CLEC12A: variants seen among roughly 807,000 people sequenced by gnomAD.
The protein encoded by CLEC12A is C-type lectin domain family 12 member A, also known as C-type lectin protein CLL-1.
In CLEC12A, 22 loss-of-function variants were observed where a neutral mutation model predicts 26.5. The ratio of observed to expected loss-of-function variants is 0.83; its 90% CI spans 0.59 to 1.19. The LOEUF (loss-of-function observed/expected upper bound fraction) is 1.19, where lower values mean the gene tolerates loss of function less well. Among genes scored for constraint, CLEC12A ranks in the 50% most tolerant of loss-of-function variants. The probability of loss-of-function intolerance (pLI) is 0.00; values close to 1 mark genes in which losing one functional copy is unlikely to be tolerated. For missense variants in CLEC12A, 353 were observed against 315.6 expected, an observed-to-expected ratio of 1.12 and a Z score of -0.90; for synonymous variants, 119 against 101.9, an observed-to-expected ratio of 1.17 and a Z score of -1.01.
intron 5 of CLEC12A, chr12:9,984,048 A>C: frequency 3.4e-6 from 1 of 293,932 alleles, no homozygotes; most frequent in Non-Finnish European, 6.7e-6. Flanking sequence ...CATTGTAGAT[A>C]TTTTCAGTTA....
chr12:9,987,470 T>C (rs1864793181), downstream of CLEC12A, among the ~76,000 whole-genome samples: 1 of 152,206 alleles, frequency 6.6e-6, no homozygotes, highest in Non-Finnish European at 1.5e-5. Flanking sequence ...ACAAATGAAA[T>C]GGAGGATTTG....
intron 1 of CLEC12A, among the ~76,000 whole-genome samples, chr12:9,955,239 A>G (rs1004155999): frequency 7.3e-5 from 11 of 151,564 alleles, no homozygotes; most frequent in Admixed American, 4.6e-4. Context: ...GGCGCCCGCC[A>G]CCACGCCCGG....
At chr12:9,973,037 C>T (rs935442255) in intron 1 of CLEC12A, among the ~76,000 whole-genome samples, 2 of 152,174 alleles carry the variant, frequency 1.3e-5, no homozygotes, top group African/African-American at 4.8e-5. Flanking sequence ...TCTTCATGTT[C>T]TTAATCTCAT....
chr12:9,984,743 A>G, intron 5 of CLEC12A, 127 bp from the exon 6 acceptor site: 2 of 837,784 alleles, frequency 2.4e-6, no homozygotes, highest in South Asian at 4.1e-5. Context: ...TGAACATTAA[A>G]TTAGATTTAG....
rs35173002 is a variant in CLEC12A at position 9,954,205 on chromosome 12, TAAAAAA to T, written c.10+2872_10+2877del. 9.3e-3 allele frequency among the ~76,000 whole-genome samples: 600 copies of T among 64,444 alleles called. 4 individuals are homozygous for T. Among genetic ancestry groups the T allele is most frequent in the African/African-American group, 0.032 (567 of 17,880 alleles). 42.3% of individuals were successfully genotyped at this position (64,444 alleles called of 152,430 possible). On this transcript the variant is annotated intron_variant, in intron 1 of 6. Coordinates refer to the CLEC12A transcript ENST00000355690. The stretch of plus-strand genomic sequence containing the variant: ...GTGAGAAACACCCAAGAATTATCAA[TAAAAAA>T]AAAAAAAAAAAAAAAAAAAAAATCA...
At chr12:9,977,894 T>A (rs1378544628) in intron 1 of CLEC12A, among the ~76,000 whole-genome samples, 2 of 152,116 alleles carry the variant, frequency 1.3e-5, no homozygotes, top group African/African-American at 4.8e-5. Flanking sequence ...AATAAGTTCA[T>A]TGAATAAATA....
At position 9,980,599 on chromosome 12, in the gene CLEC12A, T is replaced by C. The variant is rs35776889; in HGVS notation, c.397T>C (p.Cys133Arg). ...SKEQEHKCKP[C>R]PRRWIWHKDS... ...TCTTCCAGAGCACAAATGTAAGCCTTGTCCAAGGAGATGGATTTGGCATAA... is the reference window on the plus strand; with the variant it reads ...TCTTCCAGAGCACAAATGTAAGCCTCGTCCAAGGAGATGGATTTGGCATAA... Residue 133 changes from cysteine to arginine, a missense_variant, in exon 4 of 6, where the codon TGT becomes CGT. Cys to Arg is a radical substitution (Grantham distance 180). Transcript: ENST00000304361. 449 of 1,613,726 alleles carry C rather than the reference T, an allele frequency of 2.8e-4. 1 individual carries two copies. The African/African-American group carries it at 5.1e-3, about 18-fold the overall frequency.
intron 4 of CLEC12A, among the ~76,000 whole-genome samples, chr12:9,993,685 A>T (rs914944363): frequency 1.1e-4 from 16 of 152,124 alleles, no homozygotes; most frequent in African/African-American, 3.9e-4. Context: ...AAGTAGCTGC[A>T]CTAGATGGGA....
At chr12:9,954,888 G>C (rs1261667257) in intron 1 of CLEC12A, among the ~76,000 whole-genome samples, 2 of 152,010 alleles carry the variant, frequency 1.3e-5, no homozygotes, top group Non-Finnish European at 2.9e-5. Context: ...TACTTTTTTT[G>C]TTTGGGTTTT....
chr12:9,995,258 A>G (rs2137237081), exon 5 of CLEC12A: 2 of 1,597,902 alleles, frequency 1.3e-6, no homozygotes, highest in Non-Finnish European at 8.6e-7. Context: ...TATTGTAAAC[A>G]TAAATAAACA....
In CLEC12A at chr12:9,962,662, C is replaced by G. The variant is rs774278116; in HGVS notation, c.11-8915C>G. 2.5e-4 allele frequency among the ~76,000 whole-genome samples: 38 copies of G among 152,176 alleles called. No homozygotes were observed. In the South Asian group the frequency reaches 3.1e-3, roughly 12 times the overall value. On this transcript the variant is annotated intron_variant, in intron 1 of 6. Transcript: ENST00000355690. ...GGCCACAAGGTGCTCAGTGGGGGAG[C>G]TTTTGAGCCAGGATGAGCCAGGAGA...
the CLEC12A span, among the ~76,000 whole-genome samples, chr12:10,004,735 G>T: frequency 6.6e-6 from 1 of 151,808 alleles, no homozygotes. Flanking sequence ...TTAAGGGTGG[G>T]GCACGTGCCA....
At chr12:9,995,393 T>C (rs1865017018) in exon 5 of CLEC12A, 1 of 728,920 alleles carries the variant, frequency 1.4e-6, no homozygotes. Context: ...ATGTTTGAAA[T>C]TGTACCAATT....
intron 1 of CLEC12A, among the ~76,000 whole-genome samples, chr12:9,977,702 T>C (rs1034734162): frequency 5.3e-5 from 8 of 152,166 alleles, no homozygotes; most frequent in Non-Finnish European, 8.8e-5. Context: ...CCTTTCTTTC[T>C]TTCTCCCTGT....
exon 5 of CLEC12A, chr12:9,995,661 T>C (rs1865026296): frequency 4.4e-6 from 1 of 225,666 alleles, no homozygotes; most frequent in Non-Finnish European, 8.9e-6. Context: ...GTTTTATTGC[T>C]CAGCTTGCCT....
chr12:9,983,100 G>C (rs1012821815), intron 5 of CLEC12A, among the ~76,000 whole-genome samples: 1 of 152,054 alleles, frequency 6.6e-6, no homozygotes, highest in Non-Finnish European at 1.5e-5. Flanking sequence ...ATTGTAAATA[G>C]TTCTACAACA....
chr12:9,983,521 G>A (rs1376687635), intron 5 of CLEC12A: 2 of 695,482 alleles, frequency 2.9e-6, no homozygotes, highest in East Asian at 5.4e-5. Flanking sequence ...TCTGAAATTT[G>A]GGAAGCAGAA....
At chr12:9,995,166 C>T in exon 5 of CLEC12A, 1 of 1,613,000 alleles carries the variant, frequency 6.2e-7, no homozygotes, top group Non-Finnish European at 8.5e-7. Flanking sequence ...CCGAGCCATC[C>T]TCCCACTTCC....
downstream of CLEC12A, among the ~76,000 whole-genome samples, chr12:9,986,927 T>A (rs569655802): frequency 5.9e-5 from 9 of 152,348 alleles, no homozygotes; most frequent in Admixed American, 2.6e-4. Flanking sequence ...GTTAAAGTCT[T>A]AGTAAAATAA....
Sources: gnomAD v4.1 joint callset for allele counts (sites outside exome capture counted in the v4.1 genomes callset) on GRCh38, gnomAD v4.1.1 for gene constraint, MANE v1.5 for transcripts, NCBI Gene and HGNC (gene_info 2026-07-23, HGNC 2026-07-21) for gene names.